Variants in LCLAT1 observed in about 807,000 individuals in gnomAD.
The protein encoded by LCLAT1 is 1-AGP acyltransferase 8.
A neutral mutation model predicts 30.7 loss-of-function variants in LCLAT1; 11 were observed. The ratio of observed to expected loss-of-function variants is 0.36; its 90% CI spans 0.23 to 0.59. The LOEUF (loss-of-function observed/expected upper bound fraction) is 0.59, where lower values mean the gene tolerates loss of function less well. Among genes scored for constraint, LCLAT1 ranks in the 20% least tolerant of loss-of-function variants. The pLI is 0.77. For synonymous variants in LCLAT1, 155 were observed against 151.3 expected (o/e 1.02, Z -0.18); for missense variants, 402 against 458.6 (o/e 0.88, Z 1.13).
intron 1 of LCLAT1, among the ~76,000 whole-genome samples, chr2:30,486,447 C>A (rs1450978346): frequency 2.0e-5 from 3 of 152,122 alleles, no homozygotes; most frequent in Non-Finnish European, 4.4e-5. Flanking sequence ...AACCACTGAC[C>A]TAACCACCCT....
intron 5 of LCLAT1, among the ~76,000 whole-genome samples, chr2:30,609,703 C>G (rs1667638900): frequency 6.6e-6 from 1 of 152,122 alleles, no homozygotes; most frequent in Non-Finnish European, 1.5e-5. Context: ...TGATCCTGTC[C>G]TCCTTTGAAC....
intron 1 of LCLAT1, among the ~76,000 whole-genome samples, chr2:30,485,396 C>T (rs147915007): frequency 5.9e-5 from 9 of 152,168 alleles, no homozygotes; most frequent in African/African-American, 1.9e-4. Context: ...AAGGCAGTAT[C>T]GTGCAATGTC....
intron 5 of LCLAT1, among the ~76,000 whole-genome samples, chr2:30,578,525 G>A (rs1479770909): frequency 1.3e-5 from 2 of 152,122 alleles, no homozygotes; most frequent in African/African-American, 4.8e-5. Flanking sequence ...TTAAGTTCTT[G>A]GTGACTTACA....
At chr2:30,615,595 A>C (rs899389804) in intron 5 of LCLAT1, among the ~76,000 whole-genome samples, 19 of 152,160 alleles carry the variant, frequency 1.2e-4, no homozygotes, top group African/African-American at 4.3e-4. Flanking sequence ...CTGCCGAAAA[A>C]CTTAAATACT....
intron 5 of LCLAT1, among the ~76,000 whole-genome samples, chr2:30,585,383 T>A (rs962375449): frequency 2.6e-5 from 4 of 152,180 alleles, no homozygotes; most frequent in African/African-American, 9.7e-5. Context: ...TGCCTCAGCC[T>A]TCATTTCACT....
intron 5 of LCLAT1, among the ~76,000 whole-genome samples, chr2:30,602,240 A>C (rs911177705): frequency 2.6e-5 from 4 of 152,208 alleles, no homozygotes; most frequent in African/African-American, 9.6e-5. Flanking sequence ...TAGCAGATAG[A>C]TTGCTGAGCT....
chr2:30,557,549 G>C (rs569762751), intron 3 of LCLAT1, among the ~76,000 whole-genome samples: 1 of 152,012 alleles, frequency 6.6e-6, no homozygotes, highest in East Asian at 1.9e-4. Flanking sequence ...TGAGAAGCTG[G>C]GATTACAGGC....
chr2:30,602,113 A>G (rs983821561), intron 5 of LCLAT1, among the ~76,000 whole-genome samples: 1 of 152,098 alleles, frequency 6.6e-6, no homozygotes, highest in Non-Finnish European at 1.5e-5. Context: ...GTGGCAGGCA[A>G]TAGTTAGATT....
At chr2:30,459,938 TG>T (rs753199413) in intron 1 of LCLAT1, among the ~76,000 whole-genome samples, 1 of 152,224 alleles carries the variant, frequency 6.6e-6, no homozygotes, top group Non-Finnish European at 1.5e-5. Context: ...AACACATTTC[TG>T]TGAAAGAACA....
intron 5 of LCLAT1, among the ~76,000 whole-genome samples, chr2:30,598,375 T>G (rs1667024236): frequency 6.6e-6 from 1 of 151,800 alleles, no homozygotes; most frequent in Admixed American, 6.6e-5. Flanking sequence ...CTTGGGAGGG[T>G]GTATGTGTCC....
chr2:30,501,084 G>GTA (rs1684360474), intron 1 of LCLAT1, among the ~76,000 whole-genome samples: 1 of 103,202 alleles, frequency 9.7e-6, no homozygotes, highest in Non-Finnish European at 1.8e-5. Flanking sequence ...TTCTGTGTGT[G>GTA]TGTGTGTGTG....
intron 1 of LCLAT1, chr2:30,476,313 G>A (rs1008370792): frequency 4.4e-6 from 2 of 449,460 alleles, no homozygotes; most frequent in African/African-American, 4.0e-5. Context: ...CACACAGTAA[G>A]TGTTGGAACC....
intron 3 of LCLAT1, among the ~76,000 whole-genome samples, chr2:30,555,233 A>C (rs1664862407): frequency 6.6e-6 from 1 of 152,160 alleles, no homozygotes; most frequent in Non-Finnish European, 1.5e-5. Flanking sequence ...TCAGTGGAAA[A>C]TGATTTGGAA....
intron 2 of LCLAT1, among the ~76,000 whole-genome samples, chr2:30,528,483 T>A (rs540379246): frequency 6.6e-6 from 1 of 152,342 alleles, no homozygotes; most frequent in East Asian, 1.9e-4. Context: ...ATAGGAAATA[T>A]GAGTGGTTCT....
At chr2:30,564,621 T>C (rs1285604548) in intron 4 of LCLAT1, among the ~76,000 whole-genome samples, 2 of 126,800 alleles carry the variant, frequency 1.6e-5, no homozygotes, top group East Asian at 4.4e-4. Context: ...TTTTAAACAT[T>C]TTTTTAACAG....
chr2:30,559,509 T>G (rs1393008433), intron 3 of LCLAT1, among the ~76,000 whole-genome samples: 1 of 152,242 alleles, frequency 6.6e-6, no homozygotes, highest in South Asian at 2.1e-4. Context: ...ATTTAATCAT[T>G]GTTGCTTCAT....
intron 1 of LCLAT1, among the ~76,000 whole-genome samples, chr2:30,475,238 A>G (rs1053769512): frequency 6.6e-6 from 1 of 152,024 alleles, no homozygotes; most frequent in Admixed American, 6.6e-5. Context: ...GGCTCAAGTG[A>G]TACTTCTGTC....
intron 1 of LCLAT1, among the ~76,000 whole-genome samples, chr2:30,518,898 G>A (rs1685330662): frequency 6.6e-6 from 1 of 152,192 alleles, no homozygotes; most frequent in East Asian, 1.9e-4. Context: ...CAAGACTTGA[G>A]TCAGTTCTCA....
At chr2:30,452,699 C>G (rs1013940710) in intron 1 of LCLAT1, among the ~76,000 whole-genome samples, 3 of 152,066 alleles carry the variant, frequency 2.0e-5, no homozygotes, top group Non-Finnish European at 4.4e-5. Context: ...GCTGTGTGGT[C>G]TTCTCCCTGT....
Sources: allele counts gnomAD v4.1 joint callset (sites outside exome capture counted in the v4.1 genomes callset), GRCh38; gene constraint gnomAD v4.1.1; transcripts MANE v1.5; gene names NCBI Gene and HGNC (gene_info 2026-07-23, HGNC 2026-07-21).